CLRN1: variants seen among roughly 807,000 people sequenced by gnomAD.
CLRN1 encodes the protein clarin 1.
Under a neutral mutation model 18.7 loss-of-function variants are expected in CLRN1, and 15 were observed. That is an observed-to-expected ratio of 0.80 (90% CI 0.54 to 1.23). CLRN1 has a LOEUF of 1.23. CLRN1 is among the 50% of genes most tolerant of loss of function. The pLI, the probability that CLRN1 is intolerant of heterozygous loss-of-function variation, is 0.00. For synonymous variants in CLRN1, 104 were observed against 102.9 expected (o/e 1.01, Z -0.07); for missense variants, 311 against 277.5 (o/e 1.12, Z -0.86).
chr3:150,927,891 C>A lies in CLRN1; in HGVS notation c.*45G>T. ...AAAATTAACCACATCTAAAAGTGAC[C>A]AAAGCAAGTCTACTCCCTTGTAAAA... On this transcript the variant is annotated 3_prime_UTR_variant, in exon 3 of 3. Transcript: ENST00000327047. 6.2e-7 allele frequency: 1 copy of A among 1,611,688 alleles called. No individual in the cohort carries two copies. The highest frequency in any genetic ancestry group is 8.5e-7 in the Non-Finnish European group (1 of 1,178,554).
chr3:150,943,396 C>A (rs879301065), intron 1 of CLRN1, among the ~76,000 whole-genome samples: 1 of 152,132 alleles, frequency 6.6e-6, no homozygotes, highest in Non-Finnish European at 1.5e-5. Flanking sequence ...CCAGACTCAG[C>A]CAGTAGAGAG....
At chr3:150,941,173 T>TATCTATCTATCA (rs1559982426) in intron 2 of CLRN1, among the ~76,000 whole-genome samples, 1 of 103,274 alleles carries the variant, frequency 9.7e-6, no homozygotes, top group African/African-American at 3.0e-5. Context: ...TCTATCTATC[T>TATCTATCTATCA]CTTTCATATA....
At chr3:150,935,959 G>A (rs919776170) in intron 2 of CLRN1, among the ~76,000 whole-genome samples, 29 of 151,594 alleles carry the variant, frequency 1.9e-4, no homozygotes, top group African/African-American at 7.0e-4. Context: ...AGAAGTGTCT[G>A]TTCATGTCCT....
chr3:150,941,787 A>G, intron 1 of CLRN1, 26 bp from the exon 2 acceptor site: 1 of 1,608,162 alleles, frequency 6.2e-7, no homozygotes, highest in Non-Finnish European at 8.5e-7. Context: ...AACTAGGGTT[A>G]GAAGAAGTTT....
At chr3:150,959,965 G>A (rs1714945245) in intron 1 of CLRN1, among the ~76,000 whole-genome samples, 1 of 152,132 alleles carries the variant, frequency 6.6e-6, no homozygotes, top group Non-Finnish European at 1.5e-5. Context: ...CAGGCAGTTG[G>A]AATACAGTGT....
intron 1 of CLRN1, among the ~76,000 whole-genome samples, chr3:150,970,690 G>A (rs1358666521): frequency 6.6e-6 from 1 of 152,134 alleles, no homozygotes; most frequent in Admixed American, 6.5e-5. Context: ...CACTAGGCTA[G>A]GGGGAGAATG....
rs183594288 is a variant in CLRN1 at position 150,944,807 on chromosome 3, A to G, written c.254-3046T>C. 1.6e-3 allele frequency among the ~76,000 whole-genome samples: 248 copies of G among 152,286 alleles called. 1 individual carries two copies. The highest frequency in any genetic ancestry group is 2.7e-3 in the Non-Finnish European group (186 of 68,008). Reference sequence around the variant, plus strand: ...TACTTCAAATTTTTTGTCCTGAGCAACTGAATAAATGGTGATGCTGTTAAC... The same window carrying G: ...TACTTCAAATTTTTTGTCCTGAGCAGCTGAATAAATGGTGATGCTGTTAAC... On this transcript the variant is annotated intron_variant, in intron 1 of 2. Coordinates refer to ENST00000327047, the MANE Select transcript of CLRN1 (RefSeq NM_174878.3).
At chr3:150,931,024 C>T (rs1456137) in intron 2 of CLRN1, among the ~76,000 whole-genome samples, 76,058 of 151,970 alleles carry the variant, frequency 0.5, 20,126 homozygotes, top group East Asian at 0.69. Flanking sequence ...ACGAGGTCAA[C>T]GTTGTCGTTT....
At chr3:150,948,259 C>T (rs71306533) in intron 1 of CLRN1, among the ~76,000 whole-genome samples, 1,863 of 151,866 alleles carry the variant, frequency 0.012, 13 homozygotes, top group Non-Finnish European at 0.021. Flanking sequence ...CCGAGGCGGG[C>T]GGATCACGAG....
rs927938956 is a variant in CLRN1 at position 150,930,380 on chromosome 3, C to A, written c.434-2179G>T. ...GGGTAGGAATGAGGGGAGAGGTGAG[C>A]AGAAAAGACAACATCACATTTCTTC... is the stretch of plus-strand genomic sequence containing the variant. On this transcript the variant is annotated intron_variant, in intron 2 of 2. Transcript: ENST00000327047. Among the ~76,000 whole-genome samples, 5 of 152,180 alleles carry A rather than the reference C, an allele frequency of 3.3e-5. No homozygotes were observed. In the South Asian group the frequency reaches 6.2e-4, roughly 19 times the overall value.
chr3:150,946,338 C>A lies in CLRN1; in HGVS notation c.254-4577G>T, dbSNP rs1050446381. On this transcript the variant is annotated intron_variant, in intron 1 of 2. Transcript: ENST00000327047. ...ACCAAGATTTATACTTAGTGAGTGG[C>A]ATAATAGGAATTTGAATTCATGTTC... Among the ~76,000 whole-genome samples, 16 of 152,154 alleles carry A rather than the reference C, an allele frequency of 1.1e-4. 1 individual carries two copies. Among genetic ancestry groups the A allele is most frequent in the Admixed American group, 9.8e-4 (15 of 15,270 alleles).
chr3:150,955,599 A>T (rs538816165), intron 1 of CLRN1, among the ~76,000 whole-genome samples: 9 of 152,298 alleles, frequency 5.9e-5, no homozygotes, highest in African/African-American at 2.2e-4. Context: ...TCATTAAAAA[A>T]AATTATTCCA....
intron 1 of CLRN1, 45 bp downstream of exon 1, chr3:150,972,411 A>G: frequency 1.2e-6 from 2 of 1,613,772 alleles, no homozygotes; most frequent in South Asian, 1.1e-5. Flanking sequence ...CACTGGGAAG[A>G]GTCTGCCTAA....
chr3:150,964,259 C>A (rs1715165356), intron 1 of CLRN1, among the ~76,000 whole-genome samples: 1 of 152,130 alleles, frequency 6.6e-6, no homozygotes, highest in Non-Finnish European at 1.5e-5. Flanking sequence ...TATGAACGGA[C>A]ACTTCTCAAA....
chr3:150,947,955 C>T (rs1714262414), intron 1 of CLRN1, among the ~76,000 whole-genome samples: 1 of 152,060 alleles, frequency 6.6e-6, no homozygotes, highest in Non-Finnish European at 1.5e-5. Flanking sequence ...AGTTAGATCT[C>T]AAACTAACAA....
At chr3:150,965,960 C>T (rs979011998) in intron 1 of CLRN1, among the ~76,000 whole-genome samples, 1 of 152,228 alleles carries the variant, frequency 6.6e-6, no homozygotes, top group Non-Finnish European at 1.5e-5. Flanking sequence ...TGCTTAAAGT[C>T]ATTTTCTCCA....
chr3:150,969,485 C>G (rs1446671798), intron 1 of CLRN1, among the ~76,000 whole-genome samples: 1 of 150,962 alleles, frequency 6.6e-6, no homozygotes, highest in East Asian at 2.0e-4. Context: ...CCCGCCACGC[C>G]CGGCTAATTT....
intron 1 of CLRN1, among the ~76,000 whole-genome samples, chr3:150,960,882 T>G (rs1459572609): frequency 6.6e-6 from 1 of 152,254 alleles, no homozygotes; most frequent in African/African-American, 2.4e-5. Flanking sequence ...GCCAGACAGC[T>G]GAAGGCCTCC....
chr3:150,966,059 C>T (rs1225426535), intron 1 of CLRN1, among the ~76,000 whole-genome samples: 1 of 152,210 alleles, frequency 6.6e-6, no homozygotes, highest in African/African-American at 2.4e-5. Context: ...GTGGCTTATG[C>T]CCATAATTCC....
Sources: gnomAD v4.1 joint callset for allele counts (sites outside exome capture counted in the v4.1 genomes callset) on GRCh38, gnomAD v4.1.1 for gene constraint, MANE v1.5 for transcripts, NCBI Gene and HGNC (gene_info 2026-07-23, HGNC 2026-07-21) for gene names.